Variants in CLNK observed in about 807,000 individuals in gnomAD.
The protein encoded by CLNK is cytokine dependent hematopoietic cell linker.
In CLNK, 74 loss-of-function variants were observed where a neutral mutation model predicts 68.6. The ratio of observed to expected loss-of-function variants is 1.08; its 90% CI spans 0.89 to 1.31. The LOEUF is 1.31. Among genes scored for constraint, CLNK ranks in the 50% most tolerant of loss-of-function variants. The probability of loss-of-function intolerance (pLI) is 0.00; values close to 1 mark genes in which losing one functional copy is unlikely to be tolerated. For synonymous variants in CLNK, 198 were observed against 172.2 expected (o/e 1.15, Z -1.17); for missense variants, 553 against 515.3 (o/e 1.07, Z -0.71).
chr4:10,555,944 T>C (rs1447761899), intron 8 of CLNK, among the ~76,000 whole-genome samples: 1 of 152,082 alleles, frequency 6.6e-6, no homozygotes, highest in Non-Finnish European at 1.5e-5. Flanking sequence ...ATTATGGAAA[T>C]ATAGAAAAGG....
intron 14 of CLNK, 111 bp from the exon 15 acceptor site, chr4:10,520,942 A>G: frequency 1.3e-6 from 1 of 773,082 alleles, no homozygotes; most frequent in Non-Finnish European, 2.2e-6. Flanking sequence ...GTTATAAAGC[A>G]CTTTATATTT....
At chr4:10,622,627 G>A (rs1005111414) in intron 2 of CLNK, among the ~76,000 whole-genome samples, 1 of 152,214 alleles carries the variant, frequency 6.6e-6, no homozygotes, top group Non-Finnish European at 1.5e-5. Flanking sequence ...ACTTGTCATG[G>A]TTTGGTGGAA....
intron 18 of CLNK, among the ~76,000 whole-genome samples, chr4:10,495,844 G>A (rs142901455): frequency 9.0e-4 from 137 of 152,014 alleles, no homozygotes; most frequent in African/African-American, 2.9e-3. Flanking sequence ...GAGATGAGGA[G>A]AAGGTCACGT....
At chr4:10,734,205 A>G in the CLNK span, among the ~76,000 whole-genome samples, 2 of 152,306 alleles carry the variant, frequency 1.3e-5, no homozygotes, top group East Asian at 1.9e-4. Context: ...CTGATTCCCA[A>G]TCGTAGGATT....
chr4:10,610,291 G>A (rs1280978522), intron 2 of CLNK, among the ~76,000 whole-genome samples: 5 of 149,406 alleles, frequency 3.3e-5, no homozygotes, highest in Admixed American at 6.6e-5. Flanking sequence ...TGATCCGCCC[G>A]CCTCGGCCTC....
the CLNK span, among the ~76,000 whole-genome samples, chr4:10,717,373 A>AT: frequency 6.6e-6 from 1 of 152,208 alleles, no homozygotes; most frequent in Admixed American, 6.5e-5. Flanking sequence ...AGGCGGACAG[A>AT]TCACTTGAGG....
At chr4:10,646,291 A>T (rs1213229523) in intron 2 of CLNK, among the ~76,000 whole-genome samples, 1 of 152,214 alleles carries the variant, frequency 6.6e-6, no homozygotes, top group East Asian at 1.9e-4. Context: ...CATTAACTTG[A>T]ACGCTTCTTT....
intron 4 of CLNK, among the ~76,000 whole-genome samples, chr4:10,577,422 C>G (rs761832864): frequency 6.6e-6 from 1 of 152,138 alleles, no homozygotes; most frequent in Non-Finnish European, 1.5e-5. Flanking sequence ...CCTATTTTCT[C>G]TGTCTTCTCA....
rs750618377 is a variant in CLNK at position 10,542,205 on chromosome 4, C to T, written c.471+50G>A. 6 of 1,291,400 alleles carry T rather than the reference C, an allele frequency of 4.6e-6. No individual in the cohort carries two copies. In the Admixed American group the frequency reaches 6.2e-5, roughly 13 times the overall value. The allele number at this position is 1,291,400 out of a possible 1,614,324, so 80.0% of individuals were successfully genotyped here. On this transcript the variant is annotated intron_variant, in intron 9 of 18. Coordinates refer to ENST00000226951, the MANE Select transcript of CLNK (RefSeq NM_052964.4). ...TTTTTGCATCATCTATATCTCTAGG[C>T]TTCTAAAGTAAATAATGAATAACAA...
At chr4:10,670,835 G>A (rs931219029) in intron 1 of CLNK, among the ~76,000 whole-genome samples, 3 of 152,154 alleles carry the variant, frequency 2.0e-5, no homozygotes, top group African/African-American at 7.2e-5. Context: ...CAAATTGCAG[G>A]AGATTCTGCC....
At chr4:10,630,529 C>T (rs1312142581) in intron 2 of CLNK, among the ~76,000 whole-genome samples, 2 of 152,076 alleles carry the variant, frequency 1.3e-5, no homozygotes, top group African/African-American at 4.8e-5. Flanking sequence ...GCCACTGTCT[C>T]TCCAAATAGG....
intron 17 of CLNK, among the ~76,000 whole-genome samples, chr4:10,505,915 A>G (rs1360207241): frequency 6.6e-6 from 1 of 152,226 alleles, no homozygotes; most frequent in Admixed American, 6.5e-5. Context: ...TAATTTATTT[A>G]ATTTTACAAC....
At chr4:10,606,487 T>C (rs1179092333) in intron 2 of CLNK, among the ~76,000 whole-genome samples, 4 of 152,152 alleles carry the variant, frequency 2.6e-5, no homozygotes. Context: ...ATAAAAAGTA[T>C]AGTCTAGTAA....
At chr4:10,573,460 A>G (rs992894526) in intron 4 of CLNK, among the ~76,000 whole-genome samples, 1 of 152,148 alleles carries the variant, frequency 6.6e-6, no homozygotes, top group Admixed American at 6.5e-5. Flanking sequence ...ACCCAGCACA[A>G]TTACATCCCC....
At chr4:10,514,687 G>A (rs552896136) in intron 15 of CLNK, among the ~76,000 whole-genome samples, 6 of 150,618 alleles carry the variant, frequency 4.0e-5, no homozygotes, top group South Asian at 4.3e-4. Context: ...GGACATAGGC[G>A]TGGGCAAGGA....
At position 10,571,794 on chromosome 4, in the gene CLNK, G is replaced by T; in HGVS notation, c.113-16C>A. 6.2e-7 allele frequency: 1 copy of T among 1,608,786 alleles called. No individual in the cohort carries two copies. The highest frequency in any genetic ancestry group is 8.5e-7 in the Non-Finnish European group (1 of 1,175,632). On this transcript the variant is annotated splice_polypyrimidine_tract_variant and intron_variant, in intron 4 of 18. Coordinates refer to ENST00000226951, the MANE Select transcript of CLNK (RefSeq NM_052964.4). ...TGGTACTGGCCTGCCAACACAAACA[G>T]ACCGAGTGTTATTTTAATCACTGTG...
chr4:10,686,431 T>C (rs1577221436), upstream of CLNK, among the ~76,000 whole-genome samples: 1 of 151,902 alleles, frequency 6.6e-6, no homozygotes, highest in Admixed American at 6.6e-5. Context: ...TGAGAGGCAG[T>C]TGGATGATCT....
chr4:10,503,280 G>C (rs2109026700), intron 17 of CLNK, among the ~76,000 whole-genome samples: 2 of 151,992 alleles, frequency 1.3e-5, no homozygotes, highest in East Asian at 3.9e-4. Flanking sequence ...CGGCTGACAT[G>C]GGGAAACCTC....
chr4:10,614,660 G>T (rs891725865), intron 2 of CLNK, among the ~76,000 whole-genome samples: 2 of 152,164 alleles, frequency 1.3e-5, no homozygotes, highest in Non-Finnish European at 2.9e-5. Flanking sequence ...AAGAGGCCAC[G>T]GAATCTGTGT....
Sources: allele counts gnomAD v4.1 joint callset (sites outside exome capture counted in the v4.1 genomes callset), GRCh38; gene constraint gnomAD v4.1.1; transcripts MANE v1.5; gene names NCBI Gene and HGNC (gene_info 2026-07-23, HGNC 2026-07-21).